The following METTL15 variants were observed in gnomAD, a reference collection of about 807,000 sequenced individuals.
METTL15 encodes the protein 12S rRNA N(4)-cytidine methyltransferase METTL15.
Under a neutral mutation model 38.3 loss-of-function variants are expected in METTL15, and 34 were observed. That is an observed-to-expected ratio of 0.89 (90% confidence interval 0.68 to 1.18). The LOEUF (loss-of-function observed/expected upper bound fraction) is 1.18. Ranked by LOEUF, METTL15 falls within the 50% of genes most tolerant of loss-of-function variation. METTL15 has a pLI of 0.00. For synonymous variants in METTL15, 162 were observed against 170.9 expected (o/e 0.95, Z 0.41); for missense variants, 438 against 498.4 (o/e 0.88, Z 1.15).
chr11:28,380,930 T>C (rs1309107001), intron 5 of METTL15, among the ~76,000 whole-genome samples: 1 of 152,138 alleles, frequency 6.6e-6, no homozygotes, highest in African/African-American at 2.4e-5. Context: ...GTCATACAAA[T>C]TGGATTCCAT....
intron 4 of METTL15, among the ~76,000 whole-genome samples, chr11:28,278,129 C>T (rs560173108): frequency 6.6e-6 from 1 of 152,038 alleles, no homozygotes; most frequent in Non-Finnish European, 1.5e-5. Flanking sequence ...CAGAAAAGCC[C>T]TATGGGTGTC....
intron 6 of METTL15, among the ~76,000 whole-genome samples, chr11:28,456,211 T>A (rs1486023127): frequency 6.6e-6 from 1 of 151,772 alleles, no homozygotes; most frequent in Non-Finnish European, 1.5e-5. Context: ...GGTCTCACTG[T>A]GCTGCCCAGG....
intron 6 of METTL15, among the ~76,000 whole-genome samples, chr11:28,496,665 T>G (rs936750786): frequency 6.6e-6 from 1 of 152,188 alleles, no homozygotes; most frequent in Non-Finnish European, 1.5e-5. Flanking sequence ...CTTAATAGTT[T>G]CTACAGAAAA....
chr11:28,180,511 A>G (rs1851244383), intron 3 of METTL15, among the ~76,000 whole-genome samples: 1 of 151,796 alleles, frequency 6.6e-6, no homozygotes, highest in African/African-American at 2.4e-5. Context: ...ATTTTTAAAT[A>G]AGGACTAGAA....
chr11:28,288,175 C>T (rs943228782), intron 4 of METTL15, among the ~76,000 whole-genome samples: 4 of 151,948 alleles, frequency 2.6e-5, no homozygotes, highest in African/African-American at 7.3e-5. Context: ...TAGATGCTGG[C>T]GAGGTTGCAG....
intron 1 of METTL15, among the ~76,000 whole-genome samples, chr11:28,109,646 T>C (rs1173295669): frequency 1.3e-5 from 2 of 152,242 alleles, no homozygotes; most frequent in Admixed American, 1.3e-4. Flanking sequence ...TCTGAAAATA[T>C]GCATATTTTG....
intron 3 of METTL15, among the ~76,000 whole-genome samples, chr11:28,141,808 A>C (rs1235510328): frequency 2.0e-5 from 3 of 152,322 alleles, no homozygotes; most frequent in East Asian, 3.9e-4. Context: ...AGCTTAACAG[A>C]ATTTAGGTCC....
chr11:28,408,448 A>G (rs1349250128), intron 5 of METTL15, among the ~76,000 whole-genome samples: 2 of 152,286 alleles, frequency 1.3e-5, no homozygotes, highest in East Asian at 3.9e-4. Flanking sequence ...GGTTAACTCT[A>G]TTCACAACCT....
chr11:28,318,598 A>G (rs1000868524), intron 6 of METTL15, among the ~76,000 whole-genome samples: 1 of 152,214 alleles, frequency 6.6e-6, no homozygotes, highest in Non-Finnish European at 1.5e-5. Flanking sequence ...ACATTTCTTA[A>G]GCTTTAAATA....
chr11:28,129,951 A>G (rs1045193689), intron 3 of METTL15, among the ~76,000 whole-genome samples: 6 of 152,130 alleles, frequency 3.9e-5, no homozygotes, highest in African/African-American at 9.7e-5. Flanking sequence ...ACCTAAATCT[A>G]TAATTGATGG....
At chr11:28,384,308 TTC>T (rs1271717414) in intron 5 of METTL15, among the ~76,000 whole-genome samples, 1 of 150,574 alleles carries the variant, frequency 6.6e-6, no homozygotes, top group African/African-American at 2.4e-5. Context: ...TTGTTTTTCT[TTC>T]TTTCTTTTTT....
chr11:28,417,167 G>A (rs1010432236), intron 5 of METTL15, among the ~76,000 whole-genome samples: 2 of 152,154 alleles, frequency 1.3e-5, no homozygotes, highest in Non-Finnish European at 2.9e-5. Flanking sequence ...GAGAACAGGG[G>A]TGTTGTACAT....
At chr11:28,371,091 G>A (rs1466054341) in intron 5 of METTL15, among the ~76,000 whole-genome samples, 1 of 151,930 alleles carries the variant, frequency 6.6e-6, no homozygotes, top group East Asian at 1.9e-4. Context: ...AGCTGCCTGT[G>A]CTTTTTAGGT....
intron 3 of METTL15, among the ~76,000 whole-genome samples, chr11:28,343,914 G>A (rs1849976343): frequency 6.6e-6 from 1 of 152,168 alleles, no homozygotes; most frequent in Admixed American, 6.5e-5. Flanking sequence ...TTCTGTAATA[G>A]AAGGTAAGTA....
chr11:28,528,902 A>G (rs561834994), downstream of METTL15, among the ~76,000 whole-genome samples: 28 of 152,336 alleles, frequency 1.8e-4, no homozygotes, highest in Non-Finnish European at 3.1e-4. Flanking sequence ...TTTGAAATTT[A>G]TGAACAAAAA....
intron 3 of METTL15, among the ~76,000 whole-genome samples, chr11:28,130,423 G>A (rs1276667225): frequency 6.6e-6 from 1 of 152,106 alleles, no homozygotes; most frequent in Non-Finnish European, 1.5e-5. Flanking sequence ...TAGTTTGTAT[G>A]CACATAACCA....
At chr11:28,285,454 G>A (rs1856219216) in intron 4 of METTL15, among the ~76,000 whole-genome samples, 1 of 151,780 alleles carries the variant, frequency 6.6e-6, no homozygotes, top group South Asian at 2.1e-4. Flanking sequence ...GTGGCCCAGG[G>A]AAGCCAAAAG....
chr11:28,437,017 T>TCTTCCATGCTAGATG lies in METTL15; in HGVS notation c.*424+12659_*424+12673dup, dbSNP rs535048977. Among the ~76,000 whole-genome samples the TCTTCCATGCTAGATG allele has an allele frequency of 2.2e-4, 34 of 152,302 alleles. No individual in the cohort carries two copies. In the South Asian group the frequency reaches 2.7e-3, roughly 12 times the overall value. The stretch of plus-strand genomic sequence containing the variant: ...TGCAGAGTCTTCCAGCCTTCATCTT[T>TCTTCCATGCTAGATG]CTTCCATGCTAGATGCTTCCTGCCC... On this transcript the variant is annotated intron_variant and NMD_transcript_variant, in intron 6 of 7. Transcript: ENST00000532947.
downstream of METTL15, among the ~76,000 whole-genome samples, chr11:28,337,924 A>G (rs1460995008): frequency 6.6e-6 from 1 of 152,126 alleles, no homozygotes; most frequent in East Asian, 1.9e-4. Context: ...ATTAGAGCTG[A>G]TCTTTCCTTT....
Sources: gnomAD v4.1 joint callset for allele counts (sites outside exome capture counted in the v4.1 genomes callset) on GRCh38, gnomAD v4.1.1 for gene constraint, MANE v1.5 for transcripts, NCBI Gene and HGNC (gene_info 2026-07-23, HGNC 2026-07-21) for gene names.